The following CCNT2 variants were observed in gnomAD, a reference collection of about 807,000 sequenced individuals.
CCNT2 encodes cyclin-T2.
A neutral mutation model predicts 70.0 loss-of-function variants in CCNT2; 18 were observed. That is an observed-to-expected ratio of 0.26 (90% CI 0.18 to 0.38). The LOEUF (loss-of-function observed/expected upper bound fraction) is 0.38, where lower values mean the gene tolerates loss of function less well. Among genes scored for constraint, CCNT2 ranks in the 10% least tolerant of loss-of-function variants. The pLI is 1.00. For missense variants in CCNT2, 734 were observed against 890.2 expected (o/e 0.82, Z 2.23); for synonymous variants, 334 against 313.3 (o/e 1.07, Z -0.70).
rs140163816 is a variant in CCNT2, at chr2:134,929,613, C to CAGAGAGAGAG, written c.241-7214_241-7205dup. 2.3e-3 allele frequency among the ~76,000 whole-genome samples: 271 copies of CAGAGAGAGAG among 117,656 alleles called. 7 individuals carry two copies. The highest frequency in any genetic ancestry group is 0.01 in the East Asian group (34 of 3,308). The allele number at this position is 117,656 out of a possible 152,430, so 77.2% of individuals were successfully genotyped here. Reference sequence around the variant, plus strand: ...ACAGAGCAAGACCCTGTCTCAAAAACAGAGAGAGAGAGAGAGAGAGAGAAC... The same window carrying CAGAGAGAGAG: ...ACAGAGCAAGACCCTGTCTCAAAAACAGAGAGAGAGAGAGAGAGAGAGAGAGAGAGAGAAC... On this transcript the variant is annotated intron_variant, in intron 2 of 8. Coordinates refer to ENST00000264157, the MANE Select transcript of CCNT2 (RefSeq NM_058241.3).
chr2:134,919,671 G>C, intron 1 of CCNT2, 139 bp from the exon 2 acceptor site: 1 of 614,310 alleles, frequency 1.6e-6, no homozygotes, highest in Non-Finnish European at 2.8e-6. Flanking sequence ...CCCCCCGCGG[G>C]CATTTATTTC....
intron 7 of CCNT2, among the ~76,000 whole-genome samples, chr2:134,952,187 C>A (rs1461229532): frequency 6.6e-6 from 1 of 152,126 alleles, no homozygotes; most frequent in Non-Finnish European, 1.5e-5. Context: ...GTGGTTTCTG[C>A]ACTTTAAAGT....
At chr2:134,919,168 G>C (rs1679644394) in intron 1 of CCNT2, among the ~76,000 whole-genome samples, 156 bp downstream of exon 1, 1 of 152,346 alleles carries the variant, frequency 6.6e-6, no homozygotes, top group African/African-American at 2.4e-5. Flanking sequence ...GTCGCGAGGG[G>C]TCAGCAGAGG....
At chr2:134,927,022 G>T (rs768328941) in intron 2 of CCNT2, among the ~76,000 whole-genome samples, 2 of 152,246 alleles carry the variant, frequency 1.3e-5, no homozygotes, top group African/African-American at 2.4e-5. Flanking sequence ...GGAAATGAGT[G>T]TAAGATGAAG....
chr2:134,940,351 T>TACTGAAAAA (rs1681482036), intron 4 of CCNT2, among the ~76,000 whole-genome samples: 1 of 146,316 alleles, frequency 6.8e-6, no homozygotes, highest in Admixed American at 7.0e-5. Context: ...AGCCTAGAAA[T>TACTGAAAAA]ATTGAAAAAA....
intron 1 of CCNT2, 37 bp downstream of exon 1, chr2:134,919,049 T>G: frequency 6.4e-7 from 1 of 1,551,084 alleles, no homozygotes; most frequent in Non-Finnish European, 8.7e-7. Context: ...ACGCCCTGTT[T>G]CCCTTGCCCG....
intron 2 of CCNT2, among the ~76,000 whole-genome samples, chr2:134,929,125 CAA>C (rs10559035): frequency 0.35 from 52,635 of 151,900 alleles, 9,874 homozygotes; most frequent in Middle Eastern, 0.67. Flanking sequence ...ATGTAAATGC[CAA>C]AAAGTTATTT....
chr2:134,919,885 C>T lies in CCNT2; in HGVS notation c.234C>T (p.Asn78=). ...FYMHHSFTKF[N]KNIISSTALF... ...TGCACCATTCTTTCACCAAATTCAA[C>T]AAAAATGTAAGTACTAGTTGTCTGT... Residue 78 remains asparagine, a synonymous_variant, in exon 2 of 9, where the codon AAC becomes AAT. Coordinates refer to ENST00000264157, the MANE Select transcript of CCNT2 (RefSeq NM_058241.3). 6.3e-7 allele frequency: 1 copy of T among 1,598,296 alleles called. No individual in the cohort carries two copies. Among genetic ancestry groups the T allele is most frequent in the South Asian group, 1.1e-5 (1 of 90,166 alleles).
intron 5 of CCNT2, chr2:134,945,875 G>A (rs1681921862): frequency 6.7e-7 from 1 of 1,501,566 alleles, no homozygotes; most frequent in East Asian, 2.6e-5. Flanking sequence ...AAAGCAAATC[G>A]GCTTGTTTCT....
intron 2 of CCNT2, among the ~76,000 whole-genome samples, chr2:134,929,894 G>T (rs1476965324): frequency 1.3e-5 from 2 of 151,188 alleles, no homozygotes; most frequent in Admixed American, 1.3e-4. Flanking sequence ...CAAGTGATCC[G>T]CCTGGCTTGG....
At chr2:134,933,887 T>C (rs1680963662) in intron 2 of CCNT2, among the ~76,000 whole-genome samples, 1 of 152,204 alleles carries the variant, frequency 6.6e-6, no homozygotes. Flanking sequence ...AAGCAGGTAC[T>C]ATTAATATTT....
Position 134,952,649 on chromosome 2 carries a change from C to CAT in CCNT2, c.713_714dup (p.Glu239MetfsTer14). 6.3e-7 allele frequency: 1 copy of CAT among 1,587,704 alleles called. No homozygotes were observed. Among genetic ancestry groups the CAT allele is most frequent in the Non-Finnish European group, 8.6e-7 (1 of 1,166,544 alleles). ...TTAAATTTTATTTTTAGAGCTAACA[C>CAT]ATGAGTTTCTACAAATATTGGAGAA... On this transcript the variant is annotated frameshift_variant, in exon 8 of 9. Transcript: ENST00000264157. LOFTEE classifies it high-confidence loss of function.
At chr2:134,936,099 G>A (rs986437386) in intron 2 of CCNT2, among the ~76,000 whole-genome samples, 1 of 149,862 alleles carries the variant, frequency 6.7e-6, no homozygotes, top group Non-Finnish European at 1.5e-5. Context: ...AGAAAATGGT[G>A]ACTCTGTGCC....
intron 7 of CCNT2, among the ~76,000 whole-genome samples, chr2:134,950,284 G>A (rs1204432515): frequency 6.6e-6 from 1 of 152,158 alleles, no homozygotes; most frequent in Admixed American, 6.5e-5. Flanking sequence ...GAGAGCAATT[G>A]AATAGGAATC....
chr2:134,941,125 G>A (rs1681549563), intron 4 of CCNT2, among the ~76,000 whole-genome samples: 1 of 152,120 alleles, frequency 6.6e-6, no homozygotes, highest in African/African-American at 2.4e-5. Flanking sequence ...GAAGGTGAAG[G>A]ATCTAAAGCC....
intron 2 of CCNT2, among the ~76,000 whole-genome samples, chr2:134,923,114 C>G (rs1457394820): frequency 6.6e-6 from 1 of 152,062 alleles, no homozygotes; most frequent in Non-Finnish European, 1.5e-5. Context: ...AACCCCATCT[C>G]TACTAAAAAT....
In CCNT2 at chr2:134,936,846, A is replaced by G. The variant is rs781666780; in HGVS notation, c.246A>G (p.Ile82Met). The G allele has an allele frequency of 2.5e-6, 4 of 1,610,924 alleles. No homozygotes were observed. Among genetic ancestry groups the G allele is most frequent in the Non-Finnish European group, 2.5e-6 (3 of 1,178,534 alleles). Residue 82 changes from isoleucine (I) to methionine (M), a missense_variant, in exon 3 of 9, where the codon ATA becomes ATG. Ile to Met is a conservative substitution (Grantham distance 10). This residue lies in a region of CCNT2 where 161 missense variants were observed against 303.8 expected (regional missense o/e 0.53). Coordinates refer to ENST00000264157, the MANE Select transcript of CCNT2 (RefSeq NM_058241.3). The part of the protein sequence containing the change: ...HSFTKFNKNI[I>M]SSTALFLAAK... Reference sequence around the variant, plus strand: ...GAGTTTTATCTTTTCTGCAGATAATATCGTCTACTGCATTATTTTTGGCTG... The same window carrying G: ...GAGTTTTATCTTTTCTGCAGATAATGTCGTCTACTGCATTATTTTTGGCTG...
chr2:134,919,903 TTGTC>T lies in CCNT2; in HGVS notation c.240+16_240+19del. The T allele has an allele frequency of 6.3e-7, 1 of 1,590,570 alleles. No individual in the cohort carries two copies. Among genetic ancestry groups the T allele is most frequent in the Non-Finnish European group, 8.6e-7 (1 of 1,161,196 alleles). ...AATTCAACAAAAATGTAAGTACTAG[TTGTC>T]TGTTTTTACTGTCCGCAAATTTGAG... On this transcript the variant is annotated intron_variant, in intron 2 of 8. Transcript: ENST00000264157.
Position 134,929,732 on chromosome 2 carries a change from C to T in CCNT2, c.241-7109C>T, listed in dbSNP as rs572659296. Reference sequence around the variant, plus strand: ...TGGTGCAATCTCAGCTCGCTCCAGCCTCCACCTCCTGGGTTCAAGTGATTC... The same window carrying T: ...TGGTGCAATCTCAGCTCGCTCCAGCTTCCACCTCCTGGGTTCAAGTGATTC... On this transcript the variant is annotated intron_variant, in intron 2 of 8. Coordinates refer to ENST00000264157, the MANE Select transcript of CCNT2 (RefSeq NM_058241.3). Among the ~76,000 whole-genome samples, 7 of 150,380 alleles carry T rather than the reference C, an allele frequency of 4.7e-5. No individual in the cohort carries two copies. The South Asian group carries it at 1.3e-3, about 27-fold the overall frequency.
Sources: gnomAD v4.1 joint callset for allele counts (sites outside exome capture counted in the v4.1 genomes callset) on GRCh38, gnomAD v4.1.1 for gene constraint, gnomAD v4.1.1 regional missense constraint, MANE v1.5 for transcripts, NCBI Gene and HGNC (gene_info 2026-07-23, HGNC 2026-07-21) for gene names.